The following STRIP2 variants were observed in gnomAD, a reference collection of about 807,000 sequenced individuals.
STRIP2 encodes the protein striatin interacting protein 2.
A neutral mutation model predicts 107.1 loss-of-function variants in STRIP2; 84 were observed. The observed-to-expected ratio is 0.78, with a 90% confidence interval of 0.66 to 0.94. The LOEUF is 0.94. Among genes scored for constraint, STRIP2 ranks in the 40% least tolerant of loss-of-function variants. The pLI is 0.00. For missense variants in STRIP2, 888 were observed against 1,034.2 expected, an observed-to-expected ratio of 0.86 and a Z score of 1.94; for synonymous variants, 394 against 400.4, an observed-to-expected ratio of 0.98 and a Z score of 0.19.
chr7:129,475,057 G>A (rs183381125), intron 18 of STRIP2, among the ~76,000 whole-genome samples: 2 of 152,152 alleles, frequency 1.3e-5, no homozygotes, highest in African/African-American at 2.4e-5. Flanking sequence ...TCCAAATGTC[G>A]GTATTCATAT....
intron 15 of STRIP2, 89 bp from the exon 16 acceptor site, chr7:129,464,523 G>A (rs992487137): frequency 1.4e-6 from 2 of 1,436,954 alleles, no homozygotes; most frequent in South Asian, 1.3e-5. Context: ...GCTCTCTTGT[G>A]TATATTGTAT....
rs1330972984 is a variant in STRIP2 at position 129,477,202 on chromosome 7, G to GAGGGGA, written c.1945-3578_1945-3577insAAGGGG. 4.6e-3 allele frequency among the ~76,000 whole-genome samples: 437 copies of GAGGGGA among 95,570 alleles called. 11 individuals are homozygous for GAGGGGA. Among genetic ancestry groups the GAGGGGA allele is most frequent in the African/African-American group, 0.015 (409 of 28,140 alleles). 62.7% of individuals were successfully genotyped at this position (95,570 alleles called of 152,430 possible). ...GGGAGACCGTGGGGAGAGGGAGGGG[G>GAGGGGA]AGGGGGAGGGGGAGGGAGACTGTGG... On this transcript the variant is annotated intron_variant, in intron 18 of 20. Coordinates refer to ENST00000249344, the MANE Select transcript of STRIP2 (RefSeq NM_020704.3).
intron 1 of STRIP2, among the ~76,000 whole-genome samples, 192 bp downstream of exon 1, chr7:129,434,793 G>C (rs755298430): frequency 6.6e-6 from 1 of 152,242 alleles, no homozygotes; most frequent in Non-Finnish European, 1.5e-5. Context: ...GTCTCCTGCC[G>C]CGGGTTGGGG....
rs747008980 is a variant in STRIP2, at chr7:129,463,049, ATGGC to A, written c.1551+11_1551+14del. 1.2e-6 allele frequency: 2 copies of A among 1,610,024 alleles called. No homozygotes were observed. The highest frequency in any genetic ancestry group is 1.7e-6 in the Non-Finnish European group (2 of 1,177,474). ...GCCTTCCGCAGTATATGGTAAGGAG[ATGGC>A]TAGGCCAGAGCTGCCCTTCTCTGCT... is the stretch of plus-strand genomic sequence containing the variant. On this transcript the variant is annotated intron_variant, in intron 14 of 20. Coordinates refer to ENST00000249344, the MANE Select transcript of STRIP2 (RefSeq NM_020704.3).
At chr7:129,434,991 G>A (rs531468537) in intron 1 of STRIP2, among the ~76,000 whole-genome samples, 2 of 152,252 alleles carry the variant, frequency 1.3e-5, no homozygotes, top group South Asian at 4.1e-4. Context: ...GTGGGAGGCT[G>A]GAGCTCAGCC....
chr7:129,474,991 T>A (rs897255642), intron 18 of STRIP2, among the ~76,000 whole-genome samples: 1 of 152,244 alleles, frequency 6.6e-6, no homozygotes, highest in African/African-American at 2.4e-5. Flanking sequence ...TCTTCACCAA[T>A]ATACTAAGTA....
rs775695694 is a variant in STRIP2, at chr7:129,453,253, G to A, written c.436G>A (p.Val146Ile). Reference protein sequence around the residue: ...QGTFGECDSEVDVLHWSRYNC... With the variant: ...QGTFGECDSEIDVLHWSRYNC... ...TACTTTTGGGGAATGTGATTCAGAGGTCGATGTGCTACACTGGTCCAGGTA... is the reference window on the plus strand; with the variant it reads ...TACTTTTGGGGAATGTGATTCAGAGATCGATGTGCTACACTGGTCCAGGTA... The change falls in exon 5 of 21, where the codon GTC (valine) becomes ATC (isoleucine). Residue 146 changes from valine to isoleucine, a missense_variant. Coordinates refer to ENST00000249344, the MANE Select transcript of STRIP2 (RefSeq NM_020704.3). 1.2e-6 allele frequency: 2 copies of A among 1,614,102 alleles called. No homozygotes were observed. The highest frequency in any genetic ancestry group is 3.3e-5 in the Admixed American group (2 of 60,024).
intron 3 of STRIP2, among the ~76,000 whole-genome samples, chr7:129,450,881 A>G (rs1440433868): frequency 7.0e-6 from 1 of 143,274 alleles, no homozygotes; most frequent in Non-Finnish European, 1.5e-5. Flanking sequence ...GTGTTATGGA[A>G]GCAGAGTATT....
chr7:129,436,575 T>C (rs1239734529), intron 1 of STRIP2, among the ~76,000 whole-genome samples: 1 of 152,210 alleles, frequency 6.6e-6, no homozygotes, highest in Non-Finnish European at 1.5e-5. Flanking sequence ...AAAGATTAGC[T>C]TTCCTCTACC....
intron 3 of STRIP2, among the ~76,000 whole-genome samples, chr7:129,450,992 A>C (rs1231234118): frequency 1.8e-5 from 2 of 108,722 alleles, no homozygotes; most frequent in East Asian, 6.4e-4. Context: ...GCTGGAGTGC[A>C]GTGGCGGGAT....
intron 18 of STRIP2, among the ~76,000 whole-genome samples, chr7:129,475,131 G>A (rs1032727462): frequency 4.6e-5 from 7 of 152,240 alleles, no homozygotes; most frequent in Non-Finnish European, 7.3e-5. Context: ...GATGGTGAAC[G>A]TATGATTATG....
At chr7:129,440,554 A>C (rs945982211) in intron 2 of STRIP2, among the ~76,000 whole-genome samples, 3 of 152,080 alleles carry the variant, frequency 2.0e-5, no homozygotes, top group African/African-American at 7.2e-5. Flanking sequence ...GCCCCTTATT[A>C]AAATCTCAGC....
At chr7:129,449,939 C>A (rs1490076373) in intron 3 of STRIP2, among the ~76,000 whole-genome samples, 1 of 152,180 alleles carries the variant, frequency 6.6e-6, no homozygotes, top group African/African-American at 2.4e-5. Context: ...GAGCAACCAA[C>A]CAGCTTCCTT....
intron 17 of STRIP2, among the ~76,000 whole-genome samples, chr7:129,467,847 CA>C (rs1366347716): frequency 2.0e-5 from 3 of 151,954 alleles, no homozygotes; most frequent in African/African-American, 7.3e-5. Flanking sequence ...ATGTATTATA[CA>C]AAATTTGTAA....
chr7:129,460,281 T>A lies in STRIP2; in HGVS notation c.1405-20T>A, dbSNP rs776756387. 4.3e-6 allele frequency: 7 copies of A among 1,609,988 alleles called. No homozygotes were observed. In the South Asian group the frequency reaches 6.6e-5, roughly 15 times the overall value. ...GAATGAGGCCCTCAGCCCTTGTTGA[T>A]GTCTTCTTATCTTTGTCAGCACAAG... On this transcript the variant is annotated intron_variant, in intron 12 of 20. Transcript: ENST00000249344.
intron 18 of STRIP2, among the ~76,000 whole-genome samples, chr7:129,476,442 G>A (rs1321703444): frequency 7.0e-6 from 1 of 142,548 alleles, no homozygotes; most frequent in African/African-American, 2.6e-5. Context: ...CGGGCGGAGG[G>A]GCTCCTCACT....
intron 19 of STRIP2, among the ~76,000 whole-genome samples, chr7:129,482,040 C>T (rs1010149157): frequency 5.9e-5 from 9 of 151,636 alleles, no homozygotes; most frequent in South Asian, 2.1e-4. Context: ...GGCGCCTCTA[C>T]TCAGGGGAGG....
chr7:129,481,758 T>C (rs1029485645), intron 19 of STRIP2, among the ~76,000 whole-genome samples: 3 of 150,404 alleles, frequency 2.0e-5, no homozygotes, highest in Middle Eastern at 3.6e-3. Context: ...TTAAAAAAAG[T>C]AAAAGAATGA....
intron 18 of STRIP2, among the ~76,000 whole-genome samples, chr7:129,477,290 T>C (rs1798996483): frequency 6.6e-6 from 1 of 151,390 alleles, no homozygotes; most frequent in African/African-American, 2.4e-5. Flanking sequence ...ATTCCTACAA[T>C]GTTATTTAAA....
Sources: allele counts gnomAD v4.1 joint callset (sites outside exome capture counted in the v4.1 genomes callset), GRCh38; gene constraint gnomAD v4.1.1; transcripts MANE v1.5; gene names NCBI Gene and HGNC (gene_info 2026-07-23, HGNC 2026-07-21).